CFH: variants seen among roughly 807,000 people sequenced by gnomAD.
CFH encodes the protein complement factor H.
CFH carries 53 observed loss-of-function variants against 147.3 expected under a neutral mutation model. That is an observed-to-expected ratio of 0.36 (90% CI 0.29 to 0.45). The LOEUF is 0.45. Among genes scored for constraint, CFH ranks in the 20% least tolerant of loss-of-function variants. The pLI is 1.00. For synonymous variants in CFH, 536 were observed against 489.4 expected (o/e 1.10, Z -1.26); for missense variants, 1,380 against 1,498.0 (o/e 0.92, Z 1.30).
intron 7 of CFH, among the ~76,000 whole-genome samples, chr1:196,686,825 T>C (rs1223366929): frequency 6.6e-6 from 1 of 152,136 alleles, no homozygotes; most frequent in Non-Finnish European, 1.5e-5. Context: ...GGAGTTCTCA[T>C]GGACAAGATA....
chr1:196,710,900 T>C (rs1390921957), intron 9 of CFH, among the ~76,000 whole-genome samples: 2 of 152,136 alleles, frequency 1.3e-5, no homozygotes, highest in African/African-American at 4.8e-5. Context: ...TAATGCTACC[T>C]AATCCTTCTT....
At chr1:196,673,300 G>C in intron 2 of CFH, 137 bp downstream of exon 2, 1 of 830,710 alleles carries the variant, frequency 1.2e-6, no homozygotes, top group Non-Finnish European at 1.9e-6. Context: ...TTTTTTTTTT[G>C]TTTTGAGATG....
At chr1:196,659,406 G>C (rs1346831418) in intron 1 of CFH, among the ~76,000 whole-genome samples, 10 of 152,154 alleles carry the variant, frequency 6.6e-5, no homozygotes, top group Non-Finnish European at 1.3e-4. Context: ...AAGGTTCTTG[G>C]TTTTGTCCAG....
intron 9 of CFH, among the ~76,000 whole-genome samples, chr1:196,712,346 GTTTC>G (rs1457616963): frequency 2.0e-5 from 3 of 150,950 alleles, no homozygotes; most frequent in African/African-American, 7.3e-5. Flanking sequence ...ATTTTGTCTG[GTTTC>G]TTTGTTATAA....
At chr1:196,677,437 T>C in intron 4 of CFH, 39 bp from the exon 5 acceptor site, 1 of 1,585,758 alleles carries the variant, frequency 6.3e-7, no homozygotes, top group South Asian at 1.1e-5. Flanking sequence ...AATAAACTTT[T>C]AAAATTCCAT....
In CFH at chr1:196,713,868, A is replaced by T. The variant is rs373817164; in HGVS notation, c.1470A>T (p.Gly490=). ...TAACAGCAGATGGTGAAACATCAGG[A>T]TCAATTACATGTGGGAAAGATGGAT... ...GYVTADGETS[G]SITCGKDGWS... is the part of the protein sequence containing the mutation. Residue 490 remains glycine, a synonymous_variant, in exon 10 of 22, where the codon GGA becomes GGT. Coordinates refer to ENST00000367429, the MANE Select transcript of CFH (RefSeq NM_000186.4). 2.2e-5 allele frequency: 35 copies of T among 1,612,854 alleles called. No individual in the cohort carries two copies. Among genetic ancestry groups the T allele is most frequent in the Non-Finnish European group, 3.0e-5 (35 of 1,179,240 alleles).
chr1:196,704,786 A>G (rs1668546796), intron 9 of CFH, among the ~76,000 whole-genome samples: 1 of 152,218 alleles, frequency 6.6e-6, no homozygotes, highest in African/African-American at 2.4e-5. Flanking sequence ...GGACAAAAAC[A>G]TGGAACTGAG....
At chr1:196,689,395 C>CT (rs1558161599) in intron 7 of CFH, 25 bp from the exon 8 acceptor site, 8 of 1,598,806 alleles carry the variant, frequency 5.0e-6, no homozygotes, top group Admixed American at 3.4e-5. Context: ...TTTCTTTATA[C>CT]TTTTTTTAAA....
chr1:196,736,136 C>G (rs572550737), intron 15 of CFH, among the ~76,000 whole-genome samples: 87 of 152,142 alleles, frequency 5.7e-4, no homozygotes, highest in African/African-American at 2.0e-3. Flanking sequence ...TGTGAGTTTA[C>G]AAAGGTGTCT....
chr1:196,695,720 G>A (rs545922584), intron 9 of CFH, among the ~76,000 whole-genome samples: 16 of 151,806 alleles, frequency 1.1e-4, no homozygotes, highest in Middle Eastern at 3.4e-3. Context: ...GAGTTCCTTC[G>A]CATCCCTTGT....
chr1:196,686,459 G>T (rs1285168425), intron 7 of CFH, among the ~76,000 whole-genome samples: 2 of 151,980 alleles, frequency 1.3e-5, no homozygotes, highest in African/African-American at 2.4e-5. Flanking sequence ...TTTCTGGGAT[G>T]CTCCTTTACC....
intron 6 of CFH, among the ~76,000 whole-genome samples, chr1:196,683,585 A>G (rs1314878056): frequency 3.3e-5 from 5 of 151,816 alleles, no homozygotes; most frequent in East Asian, 3.9e-4. Flanking sequence ...AAGCTTCCAT[A>G]TCAATTTAAG....
rs113520959 is a variant in CFH at position 196,692,190 on chromosome 1, C to T, written c.1336+1951C>T. Among the ~76,000 whole-genome samples, 206 of 152,148 alleles carry T rather than the reference C, an allele frequency of 1.4e-3. 1 individual carries two copies. The highest frequency in any genetic ancestry group is 4.7e-3 in the African/African-American group (196 of 41,524). On this transcript the variant is annotated intron_variant, in intron 9 of 21. Coordinates refer to ENST00000367429, the MANE Select transcript of CFH (RefSeq NM_000186.4). Reference sequence around the variant, plus strand: ...TGTCACCCAGGCTGGAGTGCAATGTCGCGATCTCGCCTCGCTGCAACCTCC... The same window carrying T: ...TGTCACCCAGGCTGGAGTGCAATGTTGCGATCTCGCCTCGCTGCAACCTCC...
At chr1:196,744,257 A>T (rs985569195) in intron 20 of CFH, among the ~76,000 whole-genome samples, 5 of 151,872 alleles carry the variant, frequency 3.3e-5, no homozygotes, top group African/African-American at 9.7e-5. Context: ...TAGTTGGGTC[A>T]TGTTTACATA....
At chr1:196,684,986 C>T in intron 6 of CFH, 78 bp from the exon 7 acceptor site, 1 of 1,150,956 alleles carries the variant, frequency 8.7e-7, no homozygotes, top group Non-Finnish European at 1.3e-6. Context: ...ATAACACCCA[C>T]TTTTAAATGT....
chr1:196,694,257 T>C (rs928709679), intron 9 of CFH, among the ~76,000 whole-genome samples: 1 of 152,142 alleles, frequency 6.6e-6, no homozygotes, highest in Non-Finnish European at 1.5e-5. Flanking sequence ...TATGTGGTGT[T>C]TTGTTTTCTG....
In CFH at chr1:196,747,459, G is replaced by A. The variant is rs188223000; in HGVS notation, c.*146G>A. ...GAAAATGTAATTATAAGCTGAGACC[G>A]GTGGCTCTCTTCTTAAAAGCACCAT... On this transcript the variant is annotated 3_prime_UTR_variant, in exon 22 of 22. Transcript: ENST00000367429. The A allele has an allele frequency of 6.6e-5, 60 of 907,236 alleles. No individual in the cohort carries two copies. In the African/African-American group the frequency reaches 8.4e-4, roughly 13 times the overall value. 56.2% of individuals were successfully genotyped at this position (907,236 alleles called of 1,614,324 possible).
intron 1 of CFH, among the ~76,000 whole-genome samples, chr1:196,655,103 AT>A (rs199990066): frequency 0.037 from 5,668 of 152,188 alleles, 311 homozygotes; most frequent in African/African-American, 0.11. Flanking sequence ...CTGAATACAT[AT>A]TTTAGGATAG....
rs774019952 is a variant in CFH at position 196,672,974 on chromosome 1, G to A, written c.59-4G>A. ...TGCACTTATTTTGTTTTTATTGTTTGTAGATTGCAATGAACTTCCTCCAAG... is the reference window on the plus strand; with the variant it reads ...TGCACTTATTTTGTTTTTATTGTTTATAGATTGCAATGAACTTCCTCCAAG... On this transcript the variant is annotated splice_region_variant and splice_polypyrimidine_tract_variant and intron_variant, in intron 1 of 21. Coordinates refer to ENST00000367429, the MANE Select transcript of CFH (RefSeq NM_000186.4). 4 of 1,612,812 alleles carry A rather than the reference G, an allele frequency of 2.5e-6. No individual in the cohort carries two copies. The highest frequency in any genetic ancestry group is 3.4e-6 in the Non-Finnish European group (4 of 1,179,040).
Sources: allele counts gnomAD v4.1 joint callset (sites outside exome capture counted in the v4.1 genomes callset), GRCh38; gene constraint gnomAD v4.1.1; transcripts MANE v1.5; gene names NCBI Gene and HGNC (gene_info 2026-07-23, HGNC 2026-07-21).